The following TPPP2 variants were observed in gnomAD, a reference collection of about 807,000 sequenced individuals.
TPPP2 encodes tubulin polymerization-promoting protein family member 2.
Under a neutral mutation model 13.0 loss-of-function variants are expected in TPPP2, and 8 were observed. That is an observed-to-expected ratio of 0.62 (90% CI 0.36 to 1.11). TPPP2 has a LOEUF of 1.11. Ranked by LOEUF, TPPP2 falls within the 50% of genes most tolerant of loss-of-function variation. The probability of loss-of-function intolerance (pLI) is 0.02; values close to 1 mark genes in which losing one functional copy is unlikely to be tolerated. For synonymous variants in TPPP2, 81 were observed against 81.8 expected (o/e 0.99, Z 0.05); for missense variants, 213 against 216.9 (o/e 0.98, Z 0.11).
intron 2 of TPPP2, 97 bp downstream of exon 2, chr14:21,030,851 C>G: frequency 6.6e-7 from 1 of 1,518,776 alleles, no homozygotes; most frequent in Non-Finnish European, 8.9e-7. Flanking sequence ...AGTGGGCCTA[C>G]CAAGCACCAC....
downstream of TPPP2, chr14:21,034,239 G>T (rs1354169763): frequency 1.2e-5 from 20 of 1,613,914 alleles, no homozygotes; most frequent in Non-Finnish European, 1.6e-5. Context: ...GACCAGAGTT[G>T]GCCCCAGAAC....
At chr14:21,025,601 C>T, upstream of TPPP2, 1 of 985,570 alleles carries the variant, frequency 1.0e-6, no homozygotes, top group Non-Finnish European at 1.2e-6. This position sits in a 1 kb window ranked among gnomAD's most constrained non-coding sequence, Gnocchi z 5.1. Flanking sequence ...GGCAGGTGTG[C>T]TGGCGCCGAA....
chr14:21,024,749 C>T (rs1882867650), intron 1 of TPPP2: 13 of 985,506 alleles, frequency 1.3e-5, no homozygotes, highest in Non-Finnish European at 1.6e-5. Flanking sequence ...ACCCGGAACC[C>T]GTCCCTACGA....
Position 21,030,700 on chromosome 14 carries a change from T to C in TPPP2, c.119T>C (p.Met40Thr). ...FSKLCKDCGIMDGKTVTSTDV... is the reference protein window; with the variant it reads ...FSKLCKDCGITDGKTVTSTDV... Reference sequence around the variant, plus strand: ...AAGCTGTGCAAAGACTGTGGCATCATGGATGGCAAGACAGTCACCTCCACG... The same window carrying C: ...AAGCTGTGCAAAGACTGTGGCATCACGGATGGCAAGACAGTCACCTCCACG... The change falls in exon 2 of 4, where the codon ATG becomes ACG. Residue 40 changes from methionine (M) to threonine (T), a missense_variant. Coordinates refer to ENST00000321760, the MANE Select transcript of TPPP2 (RefSeq NM_173846.5). 1 of 1,614,174 alleles carries C rather than the reference T, an allele frequency of 6.2e-7. No homozygotes were observed. The highest frequency in any genetic ancestry group is 1.1e-5 in the South Asian group (1 of 91,076).
At chr14:21,030,910 T>G in intron 2 of TPPP2, 102 bp from the exon 3 acceptor site, 1 of 1,524,200 alleles carries the variant, frequency 6.6e-7, no homozygotes, top group South Asian at 1.3e-5. Flanking sequence ...ACTCACTGAT[T>G]GATAGGACAA....
downstream of TPPP2, chr14:21,035,654 G>A (rs1251308435): frequency 2.4e-6 from 1 of 411,736 alleles, no homozygotes; most frequent in South Asian, 1.8e-5. Context: ...TCAGGAGGAG[G>A]GAGTAAGGCC....
chr14:21,033,926 A>G (rs1433994435), downstream of TPPP2: 1 of 1,613,964 alleles, frequency 6.2e-7, no homozygotes, highest in East Asian at 2.2e-5. Context: ...AGTAGCAGCT[A>G]GTGGGTGGCT....
chr14:21,031,785 G>A (rs140541068), intron 3 of TPPP2, 107 bp from the exon 4 acceptor site: 14,581 of 1,305,708 alleles, frequency 0.011, 157 homozygotes, highest in South Asian at 0.028. Flanking sequence ...GCCAGTGGCA[G>A]AGCAAGAGCT....
At chr14:21,029,860 C>G (rs989540473), upstream of TPPP2, among the ~76,000 whole-genome samples, 5 of 152,172 alleles carry the variant, frequency 3.3e-5, no homozygotes, top group Non-Finnish European at 7.3e-5. Flanking sequence ...GACTTCTCAG[C>G]CTTCAGAGCT....
At chr14:21,033,795 G>T, downstream of TPPP2, 2 of 1,418,194 alleles carry the variant, frequency 1.4e-6, no homozygotes, top group South Asian at 1.1e-5. Flanking sequence ...TGTGGTGGTA[G>T]AGGTTGGGGA....
chr14:21,036,331 AG>A, downstream of TPPP2: 1 of 446,776 alleles, frequency 2.2e-6, no homozygotes, highest in Non-Finnish European at 4.5e-6. Context: ...TGTTTCTCAT[AG>A]GGTAGGGGTG....
Position 21,030,623 on chromosome 14 carries a change from G to C in TPPP2, c.42G>C (p.Ala14=), listed in dbSNP as rs372539872. Residue 14 remains alanine (A), a synonymous_variant, in exon 2 of 4, where the codon GCG becomes GCC. Coordinates refer to ENST00000321760, the MANE Select transcript of TPPP2 (RefSeq NM_173846.5). The stretch of plus-strand genomic sequence containing the variant: ...AAAAAACATTCCATCGGTTTGCTGC[G>C]TTTGGAGAATCATCAAGCAGTGGCA... ...EAEKTFHRFA[A]FGESSSSGTE... 1.2e-6 allele frequency: 2 copies of C among 1,613,934 alleles called. No homozygotes were observed. The highest frequency in any genetic ancestry group is 1.1e-5 in the South Asian group (1 of 91,014).
At chr14:21,029,706 C>G (rs535368951), upstream of TPPP2, among the ~76,000 whole-genome samples, 36 of 152,292 alleles carry the variant, frequency 2.4e-4, no homozygotes, top group African/African-American at 8.2e-4. Context: ...CAGAGCCTTT[C>G]TGAATGGGAT....
At chr14:21,035,494 G>A (rs1884561375), downstream of TPPP2, among the ~76,000 whole-genome samples, 1 of 152,182 alleles carries the variant, frequency 6.6e-6, no homozygotes, top group African/African-American at 2.4e-5. Flanking sequence ...TCTTGCCCTT[G>A]ACTTCCACAG....
In TPPP2 at chr14:21,031,098, C is replaced by T. The variant is rs749515696; in HGVS notation, c.260C>T (p.Pro87Leu). 1.2e-6 allele frequency: 2 copies of T among 1,614,152 alleles called. No homozygotes were observed. Among genetic ancestry groups the T allele is most frequent in the Non-Finnish European group, 1.7e-6 (2 of 1,180,028 alleles). The change falls in exon 3 of 4, where the codon CCA becomes CTA. Residue 87 changes from proline to leucine, a missense_variant. Transcript: ENST00000321760. ...CAGAAGCGCTTCAAAGGGAAGAGTC[C>T]AGATGAAGTCCTGGAGAACATTTAT... ...LGQKRFKGKSPDEVLENIYGL... is the reference protein window; with the variant it reads ...LGQKRFKGKSLDEVLENIYGL...
In TPPP2 at chr14:21,025,009, TC is replaced by T. The variant is rs973886567; in HGVS notation, n.236+666del. 7.5e-4 allele frequency: 739 copies of T among 984,810 alleles called. 4 individuals are homozygous for T. In the African/African-American group the frequency reaches 0.012, roughly 16 times the overall value. The allele number at this position is 984,810 out of a possible 1,614,324, so 61.0% of individuals were successfully genotyped here. Reference sequence around the variant, plus strand: ...GGCGCCTTCCAGGCCCTACGGCCCCTCGCCTGCCCCTCCCCCTACCTGCTGC... The same window carrying T: ...GGCGCCTTCCAGGCCCTACGGCCCCTGCCTGCCCCTCCCCCTACCTGCTGC... On this transcript the variant is annotated intron_variant and non_coding_transcript_variant, in intron 1 of 1. Coordinates refer to the TPPP2 transcript ENST00000533755. The surrounding 1 kb of genome is among the most constrained non-coding windows in gnomAD (Gnocchi z 5.1).
chr14:21,033,728 G>A (rs1324603633), downstream of TPPP2: 1 of 949,658 alleles, frequency 1.1e-6, no homozygotes, highest in Non-Finnish European at 1.7e-6. Context: ...TGCCTCGTAA[G>A]TCAGGAAGGA....
In TPPP2 at chr14:21,025,163, G is replaced by C; in HGVS notation, n.236+819G>C. On this transcript the variant is annotated intron_variant and non_coding_transcript_variant, in intron 1 of 1. Transcript: ENST00000533755. The surrounding 1 kb of genome is among the most constrained non-coding windows in gnomAD (Gnocchi z 5.1). ...CTAGGCTCCCCGCAGACCCGCCCCAGACCCCCAGTAAACACGCCCCCCCTT... is the reference window on the plus strand; with the variant it reads ...CTAGGCTCCCCGCAGACCCGCCCCACACCCCCAGTAAACACGCCCCCCCTT... The C allele has an allele frequency of 1.1e-6, 1 of 941,946 alleles. No individual in the cohort carries two copies. The highest frequency in any genetic ancestry group is 4.9e-5 in the South Asian group (1 of 20,408). 58.3% of individuals were successfully genotyped at this position (941,946 alleles called of 1,614,324 possible).
intron 1 of TPPP2, 55 bp downstream of exon 1, chr14:21,030,359 T>A (rs1883985883): frequency 1.8e-6 from 1 of 555,186 alleles, no homozygotes; most frequent in East Asian, 3.0e-5. Context: ...GGATCCACAC[T>A]GGTATCTCCA....
Sources: allele counts gnomAD v4.1 joint callset (sites outside exome capture counted in the v4.1 genomes callset), GRCh38; gene constraint gnomAD v4.1.1; non-coding constraint Gnocchi (gnomAD v3.1); transcripts MANE v1.5; gene names NCBI Gene and HGNC (gene_info 2026-07-23, HGNC 2026-07-21).